Variants in MGAT5 observed in about 807,000 individuals in gnomAD.
The protein encoded by MGAT5 is alpha-1,6-mannosylglycoprotein 6-beta-N-acetylglucosaminyltransferase A.
Under a neutral mutation model 94.3 loss-of-function variants are expected in MGAT5, and 30 were observed. That is an observed-to-expected ratio of 0.32 (90% CI 0.24 to 0.43). The LOEUF (loss-of-function observed/expected upper bound fraction) is 0.43. Among genes scored for constraint, MGAT5 ranks in the 20% least tolerant of loss-of-function variants. MGAT5 has a pLI of 1.00. For missense variants in MGAT5, 691 were observed against 905.5 expected (o/e 0.76, Z 3.04); for synonymous variants, 310 against 322.9 (o/e 0.96, Z 0.43).
At chr2:134,182,202 G>T (rs1445085481) in intron 1 of MGAT5, among the ~76,000 whole-genome samples, 2 of 152,162 alleles carry the variant, frequency 1.3e-5, no homozygotes, top group African/African-American at 4.8e-5. Flanking sequence ...TATGATTATT[G>T]ATCATTACAT....
intron 4 of MGAT5, among the ~76,000 whole-genome samples, chr2:134,334,260 G>A (rs947085877): frequency 6.6e-6 from 1 of 152,116 alleles, no homozygotes; most frequent in Non-Finnish European, 1.5e-5. Context: ...ACCTGGGACT[G>A]TATTTTCATC....
intron 12 of MGAT5, among the ~76,000 whole-genome samples, chr2:134,413,877 T>C (rs1203811120): frequency 6.6e-6 from 1 of 152,222 alleles, no homozygotes; most frequent in East Asian, 1.9e-4. Flanking sequence ...ATAAAACATA[T>C]ATTTTTCAGT....
In MGAT5 at chr2:134,448,889, A is replaced by G. The variant is rs1240170362; in HGVS notation, c.*42A>G. Reference sequence around the variant, plus strand: ...CCTGCACCATGCTGCTGGGGAAGACAGTGGCCCCAGCCCCGTCAGGCAGGG... The same window carrying G: ...CCTGCACCATGCTGCTGGGGAAGACGGTGGCCCCAGCCCCGTCAGGCAGGG... On this transcript the variant is annotated 3_prime_UTR_variant, in exon 16 of 16. Transcript: ENST00000281923. The G allele has an allele frequency of 1.9e-6, 3 of 1,584,790 alleles. No homozygotes were observed. Among genetic ancestry groups the G allele is most frequent in the Admixed American group, 1.8e-5 (1 of 56,928 alleles).
chr2:134,363,125 AT>A (rs143525664), intron 10 of MGAT5, among the ~76,000 whole-genome samples: 11,097 of 151,848 alleles, frequency 0.073, 1,296 homozygotes, highest in African/African-American at 0.25. Context: ...AAATGTCATA[AT>A]TTTTTTTTGA....
At chr2:134,385,928 A>T (rs1681943260) in intron 10 of MGAT5, among the ~76,000 whole-genome samples, 1 of 152,140 alleles carries the variant, frequency 6.6e-6, no homozygotes, top group African/African-American at 2.4e-5. Flanking sequence ...ATTGGTTCTA[A>T]TAGAGTGGGG....
At chr2:134,340,868 C>G (rs189269178) in intron 6 of MGAT5, among the ~76,000 whole-genome samples, 26 of 152,182 alleles carry the variant, frequency 1.7e-4, no homozygotes, top group African/African-American at 6.0e-4. Context: ...GCAATTATTA[C>G]GTATGCTCTC....
intron 1 of MGAT5, among the ~76,000 whole-genome samples, chr2:134,181,075 C>T (rs1558973395): frequency 6.6e-6 from 1 of 152,136 alleles, no homozygotes; most frequent in Non-Finnish European, 1.5e-5. Flanking sequence ...TACTTTGAAG[C>T]CTTCCACCCC....
In MGAT5 at chr2:134,336,235, C is replaced by T; in HGVS notation, c.592C>T (p.His198Tyr). The part of the protein sequence containing the change: ...YLSEVENWCP[H>Y]LPWRAKNPYE... Reference sequence around the variant, plus strand: ...TTTTTAGGTTGAAAATTGGTGTCCTCATTTACCTTGGAGAGCAAAAAATCC... The same window carrying T: ...TTTTTAGGTTGAAAATTGGTGTCCTTATTTACCTTGGAGAGCAAAAAATCC... Residue 198 changes from histidine (H) to tyrosine (Y), a missense_variant, in exon 5 of 16, where the codon CAT (histidine) becomes TAT (tyrosine). By Grantham distance (83) the His-to-Tyr change is moderately conservative. Coordinates refer to ENST00000281923, the MANE Select transcript of MGAT5 (RefSeq NM_002410.5). The T allele has an allele frequency of 6.2e-7, 1 of 1,612,586 alleles. No individual in the cohort carries two copies.
chr2:134,173,436 G>A (rs568852858), intron 1 of MGAT5, among the ~76,000 whole-genome samples: 1 of 152,262 alleles, frequency 6.6e-6, no homozygotes, highest in South Asian at 2.1e-4. Context: ...TTATGCTCTG[G>A]GAAAGATGGT....
At chr2:134,136,246 G>A (rs1283782508) in intron 1 of MGAT5, among the ~76,000 whole-genome samples, 1 of 152,094 alleles carries the variant, frequency 6.6e-6, no homozygotes, top group South Asian at 2.1e-4. Flanking sequence ...GATACAAGCT[G>A]CAGGTATTGC....
At chr2:134,331,439 G>C (rs1687968046) in intron 4 of MGAT5, among the ~76,000 whole-genome samples, 1 of 152,126 alleles carries the variant, frequency 6.6e-6, no homozygotes, top group East Asian at 1.9e-4. Context: ...CTGGAGGAAT[G>C]CTTCTCCTCA....
chr2:134,129,212 A>G (rs2104898488), intron 1 of MGAT5, among the ~76,000 whole-genome samples: 2 of 152,260 alleles, frequency 1.3e-5, no homozygotes, highest in South Asian at 4.2e-4. Flanking sequence ...CCGTGTTCCT[A>G]GGCTCATGCC....
At chr2:134,140,910 A>G (rs1412046506) in intron 1 of MGAT5, among the ~76,000 whole-genome samples, 1 of 152,244 alleles carries the variant, frequency 6.6e-6, no homozygotes, top group African/African-American at 2.4e-5. Context: ...ACCTAGCTCC[A>G]GAACCCACAC....
rs1440269418 is a variant in MGAT5 at position 134,449,304 on chromosome 2, T to A, written c.*457T>A. 4.8e-6 allele frequency: 1 copy of A among 209,686 alleles called. No homozygotes were observed. Among genetic ancestry groups the A allele is most frequent in the African/African-American group, 2.3e-5 (1 of 43,000 alleles). 13.0% of individuals were successfully genotyped at this position (209,686 alleles called of 1,614,324 possible). A position where few individuals can be genotyped will look rare whatever the true frequency, so the allele number is the denominator to read the frequency against. Reference sequence around the variant, plus strand: ...GGGATTGATCACAGGCTTCTTTTATTTCCACTGTTAATCATCCACCTTCAC... The same window carrying A: ...GGGATTGATCACAGGCTTCTTTTATATCCACTGTTAATCATCCACCTTCAC... On this transcript the variant is annotated 3_prime_UTR_variant, in exon 16 of 16. Transcript: ENST00000281923.
chr2:134,345,417 C>G (rs142339928), intron 8 of MGAT5, among the ~76,000 whole-genome samples: 1 of 152,100 alleles, frequency 6.6e-6, no homozygotes, highest in African/African-American at 2.4e-5. Context: ...GATCATGATT[C>G]GCTTTTCTTA....
At chr2:134,145,435 A>C (rs989977374) in intron 1 of MGAT5, among the ~76,000 whole-genome samples, 1 of 152,070 alleles carries the variant, frequency 6.6e-6, no homozygotes, top group Non-Finnish European at 1.5e-5. Flanking sequence ...AGTCCTACCT[A>C]CTTGGGAGGC....
Position 134,448,937 on chromosome 2 carries a change from G to T in MGAT5, c.*90G>T. 1 of 1,365,498 alleles carries T rather than the reference G, an allele frequency of 7.3e-7. No homozygotes were observed. Among genetic ancestry groups the T allele is most frequent in the South Asian group, 1.3e-5 (1 of 77,996 alleles). The allele number at this position is 1,365,498 out of a possible 1,614,324, so 84.6% of individuals were successfully genotyped here. The stretch of plus-strand genomic sequence containing the variant: ...GGGCCAGGGACAGAAGTCATGCAGG[G>T]ACTCTGGCAAGAGCCTGAACTTTTT... On this transcript the variant is annotated 3_prime_UTR_variant, in exon 16 of 16. Coordinates refer to ENST00000281923, the MANE Select transcript of MGAT5 (RefSeq NM_002410.5).
intron 2 of MGAT5, among the ~76,000 whole-genome samples, chr2:134,274,938 T>A (rs1201254607): frequency 6.6e-6 from 1 of 152,244 alleles, no homozygotes; most frequent in Non-Finnish European, 1.5e-5. Context: ...TTATTATTCT[T>A]ACCATTTGAA....
intron 10 of MGAT5, among the ~76,000 whole-genome samples, chr2:134,363,601 AGCAT>A: frequency 6.6e-6 from 1 of 152,336 alleles, no homozygotes; most frequent in East Asian, 1.9e-4. Flanking sequence ...TGGTGCTACA[AGCAT>A]GTAGTGGGTA....
Sources: gnomAD v4.1 joint callset for allele counts (sites outside exome capture counted in the v4.1 genomes callset) on GRCh38, gnomAD v4.1.1 for gene constraint, MANE v1.5 for transcripts, NCBI Gene and HGNC (gene_info 2026-07-23, HGNC 2026-07-21) for gene names.